Variants in ATP5PF observed in about 807,000 individuals in gnomAD.
ATP5PF encodes the protein ATP synthase peripheral stalk subunit F6, mitochondrial.
ATP5PF carries 7 observed loss-of-function variants against 12.0 expected under a neutral mutation model. The ratio of observed to expected loss-of-function variants is 0.58; its 90% CI spans 0.33 to 1.10. ATP5PF has a LOEUF of 1.10. Ranked by LOEUF, ATP5PF falls within the 50% of genes least tolerant of loss-of-function variation. The pLI is 0.03. For missense variants in ATP5PF, 120 were observed against 127.7 expected (o/e 0.94, Z 0.29); for synonymous variants, 41 against 45.4 (o/e 0.90, Z 0.39).
At chr21:25,733,325 C>G (rs549584909) in intron 1 of ATP5PF, among the ~76,000 whole-genome samples, 1 of 152,002 alleles carries the variant, frequency 6.6e-6, no homozygotes, top group African/African-American at 2.4e-5. Flanking sequence ...GTCAGGAGAT[C>G]GAGACCATCC....
At chr21:25,725,160 C>G (rs2034582967) in intron 3 of ATP5PF, 66 bp downstream of exon 3, 1 of 1,535,262 alleles carries the variant, frequency 6.5e-7, no homozygotes, top group South Asian at 1.3e-5. Flanking sequence ...CTCTAAAAAT[C>G]CAGGTAAGTG....
intron 1 of ATP5PF, 26 bp downstream of exon 1, chr21:25,734,827 G>A: frequency 1.3e-6 from 2 of 1,529,056 alleles, no homozygotes; most frequent in East Asian, 2.5e-5. Flanking sequence ...AAAAGGCCAC[G>A]CTGATCTAGC....
At chr21:25,725,603 C>A (rs2123438600) in intron 2 of ATP5PF, among the ~76,000 whole-genome samples, 1 of 152,228 alleles carries the variant, frequency 6.6e-6, no homozygotes, top group East Asian at 1.9e-4. Context: ...CCATGCCCAG[C>A]TAATTTTTGT....
chr21:25,725,461 G>A, intron 2 of ATP5PF, 111 bp from the exon 3 acceptor site: 1 of 1,270,212 alleles, frequency 7.9e-7, no homozygotes, highest in Non-Finnish European at 1.0e-6. Context: ...TCTTTTTTGA[G>A]ACGGAGTCTT....
At chr21:25,734,989 C>G (rs889638263), upstream of ATP5PF, 5 of 1,553,104 alleles carry the variant, frequency 3.2e-6, no homozygotes, top group South Asian at 3.5e-5. Context: ...CGACGCTCAC[C>G]GGACAGGAAG....
chr21:25,731,599 C>A (rs1164821332), intron 1 of ATP5PF, among the ~76,000 whole-genome samples: 1 of 149,272 alleles, frequency 6.7e-6, no homozygotes, highest in Non-Finnish European at 1.5e-5. Flanking sequence ...TGCCATATTG[C>A]CCTGGCTGGT....
intron 2 of ATP5PF, 63 bp downstream of exon 2, chr21:25,729,568 A>C (rs931347634): frequency 2.8e-6 from 4 of 1,419,492 alleles, no homozygotes; most frequent in Non-Finnish European, 3.8e-6. Flanking sequence ...CATTTTTATT[A>C]CCACCTTGAA....
At chr21:25,724,860 A>T in intron 3 of ATP5PF, 183 bp from the exon 4 acceptor site, 1 of 646,198 alleles carries the variant, frequency 1.5e-6, no homozygotes, top group Non-Finnish European at 2.6e-6. Flanking sequence ...CATTCCATTA[A>T]TTGACTTTGC....
intron 1 of ATP5PF, 49 bp downstream of exon 1, chr21:25,734,804 G>A: frequency 6.6e-7 from 1 of 1,509,232 alleles, no homozygotes; most frequent in South Asian, 1.2e-5. Context: ...AAAAAACCCA[G>A]AACTGGAGTC....
At chr21:25,734,980 G>C (rs1568933434), upstream of ATP5PF, 1 of 1,560,124 alleles carries the variant, frequency 6.4e-7, no homozygotes, top group Non-Finnish European at 8.7e-7. Context: ...TCAGTCGGTC[G>C]ACGCTCACCG....
intron 1 of ATP5PF, 83 bp from the exon 2 acceptor site, chr21:25,729,884 T>C (rs1339573833): frequency 1.1e-5 from 15 of 1,411,398 alleles, no homozygotes; most frequent in Non-Finnish European, 1.1e-5. Context: ...CAAATTCTAC[T>C]AATTGCTACA....
chr21:25,725,044 T>C, intron 3 of ATP5PF, 182 bp downstream of exon 3: 2 of 751,784 alleles, frequency 2.7e-6, no homozygotes, highest in Middle Eastern at 3.9e-4. Flanking sequence ...CTATGTTATG[T>C]GATCTCCTAT....
chr21:25,727,998 C>T (rs567954696), intron 2 of ATP5PF, among the ~76,000 whole-genome samples: 4 of 152,266 alleles, frequency 2.6e-5, no homozygotes, highest in Non-Finnish European at 4.4e-5. Flanking sequence ...TTAGTTACCT[C>T]GCCTCAAAAG....
In ATP5PF at chr21:25,729,810, G is replaced by A; in HGVS notation, c.-7-9C>T. The A allele has an allele frequency of 6.2e-7, 1 of 1,608,916 alleles. No homozygotes were observed. Among genetic ancestry groups the A allele is most frequent in the Non-Finnish European group, 8.5e-7 (1 of 1,178,578 alleles). On this transcript the variant is annotated splice_polypyrimidine_tract_variant and intron_variant, in intron 1 of 3. Coordinates refer to ENST00000284971, the MANE Select transcript of ATP5PF (RefSeq NM_001003703.2). ...GAAGAATCATGCTGATTCTGTTACA[G>A]AAAACAAGCAGCAGAAACGTTAATA...
At chr21:25,734,645 G>C in intron 1 of ATP5PF, 4 of 483,072 alleles carry the variant, frequency 8.3e-6, no homozygotes, top group Non-Finnish European at 1.4e-5. Flanking sequence ...CCTCAGAGAG[G>C]GTATCGATCT....
At chr21:25,726,657 T>C (rs2034626800) in intron 2 of ATP5PF, among the ~76,000 whole-genome samples, 1 of 152,180 alleles carries the variant, frequency 6.6e-6, no homozygotes. Flanking sequence ...ATGACAAAAT[T>C]AGACTTGTGC....
intron 3 of ATP5PF, 184 bp from the exon 4 acceptor site, chr21:25,724,861 T>C: frequency 3.1e-6 from 2 of 644,830 alleles, no homozygotes; most frequent in South Asian, 2.0e-5. Flanking sequence ...ATTCCATTAA[T>C]TGACTTTGCA....
upstream of ATP5PF, chr21:25,735,218 A>C (rs769265937): frequency 5.1e-6 from 3 of 590,300 alleles, no homozygotes; most frequent in Non-Finnish European, 9.1e-6. Context: ...CCTCCGAGTC[A>C]GCGTCCTGTT....
intron 1 of ATP5PF, among the ~76,000 whole-genome samples, chr21:25,733,584 A>C (rs1301519815): frequency 7.3e-6 from 1 of 136,058 alleles, no homozygotes; most frequent in Admixed American, 7.0e-5. Flanking sequence ...ACATATATGC[A>C]AAAAAAAAAA....
Sources: gnomAD v4.1 joint callset for allele counts (sites outside exome capture counted in the v4.1 genomes callset) on GRCh38, gnomAD v4.1.1 for gene constraint, MANE v1.5 for transcripts, NCBI Gene and HGNC (gene_info 2026-07-23, HGNC 2026-07-21) for gene names.